The following FOXP1 variants were observed in gnomAD, a reference collection of about 807,000 sequenced individuals.
FOXP1 encodes the protein forkhead box P1, also known as forkhead box protein P1.
In FOXP1, 15 loss-of-function variants were observed where a neutral mutation model predicts 98.2. That is an observed-to-expected ratio of 0.15 (90% confidence interval 0.10 to 0.24). The LOEUF (loss-of-function observed/expected upper bound fraction) is 0.24. Among genes scored for constraint, FOXP1 ranks in the 10% least tolerant of loss-of-function variants. The pLI is 1.00. For missense variants in FOXP1, 633 were observed against 848.5 expected, an observed-to-expected ratio of 0.75 and a Z score of 3.15; for synonymous variants, 371 against 314.5, an observed-to-expected ratio of 1.18 and a Z score of -1.90.
At chr3:71,514,886 C>G (rs1398515301) in intron 2 of FOXP1, among the ~76,000 whole-genome samples, 1 of 152,186 alleles carries the variant, frequency 6.6e-6, no homozygotes, top group Non-Finnish European at 1.5e-5. Flanking sequence ...ACATTCCTTT[C>G]CACTCACTAA....
chr3:71,314,135 T>C (rs1054977711), intron 4 of FOXP1, among the ~76,000 whole-genome samples: 1 of 152,184 alleles, frequency 6.6e-6, no homozygotes, highest in African/African-American at 2.4e-5. Flanking sequence ...AAGTGAATGC[T>C]CAAAGAAATG....
chr3:71,229,051 C>T (rs2066074470), intron 5 of FOXP1, among the ~76,000 whole-genome samples: 1 of 150,860 alleles, frequency 6.6e-6, no homozygotes, highest in African/African-American at 2.4e-5. Flanking sequence ...GAAAGTTGGC[C>T]TTTTAAGGGG....
rs566424177 is a variant in FOXP1 at position 71,509,334 on chromosome 3, C to T, written c.-297-15779G>A. 2.1e-3 allele frequency among the ~76,000 whole-genome samples: 322 copies of T among 152,210 alleles called. 2 individuals carry two copies. The highest frequency in any genetic ancestry group is 7.5e-3 in the African/African-American group (310 of 41,538). On this transcript the variant is annotated intron_variant, in intron 2 of 20. Transcript: ENST00000649528. ...TCCACAGGGTGGGTTTCTCCTGAGG[C>T]CCCTCTTTTTGGCCATCTTCCCTCT...
chr3:71,210,732 G>T (rs933418771), intron 5 of FOXP1: 1 of 152,204 alleles, frequency 6.6e-6, no homozygotes, highest in African/African-American at 2.4e-5. Context: ...AAGTGAAGGG[G>T]CTTCTATAAC....
At chr3:71,362,326 A>C (rs2078628290) in intron 3 of FOXP1, among the ~76,000 whole-genome samples, 1 of 151,738 alleles carries the variant, frequency 6.6e-6, no homozygotes, top group Admixed American at 6.6e-5. Context: ...TGCCCACTGT[A>C]ATGCCCAGCT....
intron 4 of FOXP1, among the ~76,000 whole-genome samples, chr3:71,330,163 C>G (rs1560316672): frequency 6.6e-6 from 1 of 152,214 alleles, no homozygotes; most frequent in Non-Finnish European, 1.5e-5. Flanking sequence ...CTCAGGCTGA[C>G]ATAAAACCAG....
chr3:71,280,126 CAAAAAAA>C (rs56674677), intron 5 of FOXP1, among the ~76,000 whole-genome samples: 1,899 of 106,250 alleles, frequency 0.018, 19 homozygotes, highest in East Asian at 0.11. Flanking sequence ...CTGTCTCAAA[CAAAAAAA>C]AAAAAAAAAA....
intron 19 of FOXP1, among the ~76,000 whole-genome samples, chr3:70,967,014 A>C (rs2107042082): frequency 6.6e-6 from 1 of 152,318 alleles, no homozygotes; most frequent in South Asian, 2.1e-4. Context: ...CATTTCATTA[A>C]AGAGGACACT....
chr3:71,197,925 C>CT, intron 6 of FOXP1: 9 of 1,614,224 alleles, frequency 5.6e-6, no homozygotes, highest in Non-Finnish European at 5.9e-6. Context: ...AAGGGTTAGG[C>CT]TGACACACAG....
At chr3:71,546,230 T>C (rs1011348899) in intron 2 of FOXP1, among the ~76,000 whole-genome samples, 1 of 152,118 alleles carries the variant, frequency 6.6e-6, no homozygotes, top group African/African-American at 2.4e-5. Context: ...AGGTAACTGG[T>C]CCACAAGAGG....
chr3:71,426,421 G>A (rs7640269), intron 3 of FOXP1, among the ~76,000 whole-genome samples: 106,105 of 151,984 alleles, frequency 0.7, 37,990 homozygotes, highest in African/African-American at 0.77. Flanking sequence ...CTATTCAAAA[G>A]ATTTAGTATT....
At chr3:71,113,239 G>T (rs1199252145) in intron 6 of FOXP1, among the ~76,000 whole-genome samples, 1 of 152,208 alleles carries the variant, frequency 6.6e-6, no homozygotes, top group Non-Finnish European at 1.5e-5. Context: ...CTGATCTCTA[G>T]TCATCTTAAA....
At chr3:71,233,033 T>C (rs910436494) in intron 5 of FOXP1, among the ~76,000 whole-genome samples, 3 of 151,738 alleles carry the variant, frequency 2.0e-5, no homozygotes, top group Admixed American at 6.6e-5. Context: ...TAGTCCCAGC[T>C]ACTCTGGAGG....
chr3:71,184,775 G>GA (rs1663045437), intron 6 of FOXP1, among the ~76,000 whole-genome samples: 1 of 150,206 alleles, frequency 6.7e-6, no homozygotes, highest in African/African-American at 2.4e-5. Flanking sequence ...TTTTGGGGGG[G>GA]GCATATTGTA....
intron 7 of FOXP1, among the ~76,000 whole-genome samples, chr3:71,080,769 A>G (rs561500286): frequency 6.6e-6 from 1 of 152,252 alleles, no homozygotes; most frequent in Admixed American, 6.5e-5. Context: ...CTCCTTCAGA[A>G]TCCAGCCTTC....
At chr3:71,008,903 C>A (rs962543686) in intron 12 of FOXP1, among the ~76,000 whole-genome samples, 7 of 151,952 alleles carry the variant, frequency 4.6e-5, no homozygotes, top group Admixed American at 3.9e-4. Flanking sequence ...GAGTCCCCCC[C>A]ACCTCTCTTT....
At chr3:71,334,041 AAGAG>A (rs911612874) in intron 4 of FOXP1, 12 of 152,176 alleles carry the variant, frequency 7.9e-5, no homozygotes, top group African/African-American at 2.9e-4. Context: ...AACAGAAATT[AAGAG>A]AGAGAGAAGG....
At chr3:71,521,146 C>T (rs1295524893) in intron 2 of FOXP1, among the ~76,000 whole-genome samples, 1 of 151,838 alleles carries the variant, frequency 6.6e-6, no homozygotes, top group Non-Finnish European at 1.5e-5. Flanking sequence ...ATGATAGCAG[C>T]AAGGAAAGCT....
intron 5 of FOXP1, among the ~76,000 whole-genome samples, chr3:71,208,536 T>TTC (rs10529764): frequency 2.4e-4 from 36 of 149,396 alleles, no homozygotes; most frequent in South Asian, 1.7e-3. Context: ...GCATTTAAGT[T>TTC]TGTGTGTGTG....
Sources: allele counts gnomAD v4.1 joint callset (sites outside exome capture counted in the v4.1 genomes callset), GRCh38; gene constraint gnomAD v4.1.1; transcripts MANE v1.5; gene names NCBI Gene and HGNC (gene_info 2026-07-23, HGNC 2026-07-21).